Variants in TNRC6C observed in about 807,000 individuals in gnomAD.
The protein encoded by TNRC6C is trinucleotide repeat containing adaptor 6C.
Under a neutral mutation model 153.7 loss-of-function variants are expected in TNRC6C, and 20 were observed. That is an observed-to-expected ratio of 0.13 (90% confidence interval 0.09 to 0.19). The LOEUF (loss-of-function observed/expected upper bound fraction) is 0.19. Ranked by LOEUF, TNRC6C falls within the 10% of genes least tolerant of loss-of-function variation. The pLI is 1.00. For synonymous variants in TNRC6C, 811 were observed against 841.4 expected, an observed-to-expected ratio of 0.96 and a Z score of 0.63; for missense variants, 1,987 against 2,172.0, an observed-to-expected ratio of 0.91 and a Z score of 1.69.
At chr17:78,028,415 A>G (rs1373996678) in intron 1 of TNRC6C, among the ~76,000 whole-genome samples, 1 of 152,176 alleles carries the variant, frequency 6.6e-6, no homozygotes, top group Non-Finnish European at 1.5e-5. Flanking sequence ...AGGACCATGC[A>G]TTCGTAGCAG....
At chr17:77,970,138 T>C (rs192838261) in intron 1 of TNRC6C, among the ~76,000 whole-genome samples, 65 of 152,374 alleles carry the variant, frequency 4.3e-4, no homozygotes, top group African/African-American at 1.4e-3. Context: ...CACAAAAAGT[T>C]TGAAAAGACT....
At chr17:78,086,858 G>A (rs570306461) in exon 13 of TNRC6C, 110 of 1,611,684 alleles carry the variant, frequency 6.8e-5, no homozygotes, top group African/African-American at 3.6e-4. Context: ...GCCAGGTTGC[G>A]CGCACAATCA....
chr17:77,958,932 G>C (rs2070835840), upstream of TNRC6C, among the ~76,000 whole-genome samples: 1 of 146,166 alleles, frequency 6.8e-6, no homozygotes, highest in Non-Finnish European at 1.5e-5. Context: ...CCCGCGCCCA[G>C]CCGTCCGCAG....
intron 1 of TNRC6C, among the ~76,000 whole-genome samples, chr17:77,982,574 G>T (rs2144111080): frequency 6.6e-6 from 1 of 152,330 alleles, no homozygotes; most frequent in Admixed American, 6.5e-5. Flanking sequence ...GCTCATGCCT[G>T]TAGTCCCAGC....
chr17:78,052,909 T>G (rs1025509338), intron 3 of TNRC6C, among the ~76,000 whole-genome samples: 1 of 152,192 alleles, frequency 6.6e-6, no homozygotes, highest in African/African-American at 2.4e-5. Flanking sequence ...AAATGTGCCT[T>G]TTTGGCCCAC....
chr17:77,994,142 G>A (rs1289396785), intron 1 of TNRC6C, among the ~76,000 whole-genome samples: 1 of 152,154 alleles, frequency 6.6e-6, no homozygotes, highest in African/African-American at 2.4e-5. Context: ...GCAGTGCACC[G>A]AGATTGTGCC....
chr17:78,079,288 G>A lies in TNRC6C; in HGVS notation c.3211-107G>A. 6.7e-7 allele frequency: 1 copy of A among 1,502,300 alleles called. No homozygotes were observed. The highest frequency in any genetic ancestry group is 1.3e-5 in the South Asian group (1 of 79,132). 93.1% of individuals were successfully genotyped at this position (1,502,300 alleles called of 1,614,324 possible). A position where few individuals can be genotyped will look rare whatever the true frequency, so the allele number is the denominator to read the frequency against. Reference sequence around the variant, plus strand: ...GGGTACAAGTTGACAGTGGTAGGAAGTAGAAACAATTTTGCATTCACTTGA... The same window carrying A: ...GGGTACAAGTTGACAGTGGTAGGAAATAGAAACAATTTTGCATTCACTTGA... On this transcript the variant is annotated intron_variant, in intron 9 of 19. Coordinates refer to ENST00000301624, the Ensembl canonical transcript of TNRC6C. The surrounding 1 kb of genome is among the most constrained non-coding windows in gnomAD (Gnocchi z 4.3).
chr17:77,988,092 C>T (rs2071197510), intron 1 of TNRC6C, among the ~76,000 whole-genome samples: 1 of 152,072 alleles, frequency 6.6e-6, no homozygotes, highest in African/African-American at 2.4e-5. Flanking sequence ...TGGCTCATGC[C>T]TGTAATTCCA....
At chr17:78,003,998 A>G (rs2071454990), upstream of TNRC6C, 1 of 563,424 alleles carries the variant, frequency 1.8e-6, no homozygotes, top group Non-Finnish European at 2.3e-6. Flanking sequence ...TGAAGAAGTC[A>G]GGGCAACCTG....
chr17:78,016,116 C>T (rs2071723164), intron 1 of TNRC6C, among the ~76,000 whole-genome samples: 1 of 152,298 alleles, frequency 6.6e-6, no homozygotes, highest in South Asian at 2.1e-4. Flanking sequence ...AAAGAGTTCC[C>T]TGAAGAGCTG....
chr17:77,981,953 T>C (rs1483282232), intron 1 of TNRC6C, among the ~76,000 whole-genome samples: 1 of 152,180 alleles, frequency 6.6e-6, no homozygotes, highest in Non-Finnish European at 1.5e-5. Flanking sequence ...TATGTTGAAA[T>C]TCTAACCTCC....
intron 3 of TNRC6C, among the ~76,000 whole-genome samples, chr17:78,057,617 G>C (rs1344132397): frequency 1.3e-5 from 2 of 152,350 alleles, no homozygotes; most frequent in Non-Finnish European, 2.9e-5. Context: ...GGGATTCCCA[G>C]ACAAAAGCCT....
In TNRC6C at chr17:78,086,838, G is replaced by GTC. The variant is rs776102025; in HGVS notation, c.3562-11_3562-10dup. 3.7e-6 allele frequency: 6 copies of GTC among 1,609,994 alleles called. No homozygotes were observed. The highest frequency in any genetic ancestry group is 5.1e-6 in the Non-Finnish European group (6 of 1,178,852). ...CTTCCCACCTAGTTAACGCACCTATGTCTCTGCCTGCCAGGTTGCGCGCAC... is the reference window on the plus strand; with the variant it reads ...CTTCCCACCTAGTTAACGCACCTATGTCTCTCTGCCTGCCAGGTTGCGCGCAC... On this transcript the variant is annotated splice_polypyrimidine_tract_variant and intron_variant, in intron 12 of 19. Transcript: ENST00000301624.
chr17:77,971,748 A>G (rs1183382819), intron 1 of TNRC6C, among the ~76,000 whole-genome samples: 2 of 152,044 alleles, frequency 1.3e-5, no homozygotes, highest in Admixed American at 1.3e-4. Context: ...TGGAGTCCCC[A>G]TTGACTTCTC....
At chr17:78,098,299 C>T in intron 16 of TNRC6C, 44 bp from the exon 20 acceptor site, 1 of 1,524,444 alleles carries the variant, frequency 6.6e-7, no homozygotes. Context: ...GAGTTTTCTT[C>T]TTTGTCTCAA....
At chr17:77,997,085 A>G (rs1311468963) in intron 1 of TNRC6C, among the ~76,000 whole-genome samples, 3 of 152,202 alleles carry the variant, frequency 2.0e-5, no homozygotes, top group Admixed American at 6.5e-5. Flanking sequence ...TGGCTAGACA[A>G]GAAGCACCAT....
At chr17:78,070,955 T>G in intron 5 of TNRC6C, 130 bp from the exon 8 acceptor site, 1 of 856,160 alleles carries the variant, frequency 1.2e-6, no homozygotes, top group Admixed American at 2.4e-5. Flanking sequence ...GAATACAGCA[T>G]TATTCAATGT....
chr17:78,002,508 G>A (rs1009456868), upstream of TNRC6C, among the ~76,000 whole-genome samples: 1 of 152,176 alleles, frequency 6.6e-6, no homozygotes, highest in Non-Finnish European at 1.5e-5. Flanking sequence ...TGTTGTAATA[G>A]CGATAATTTG....
At chr17:78,064,740 A>G in exon 4 of TNRC6C, 1 of 1,613,390 alleles carries the variant, frequency 6.2e-7, no homozygotes, top group East Asian at 2.2e-5. Flanking sequence ...GGCTGGGGAG[A>G]AATGCCTAAT....
Sources: gnomAD v4.1 joint callset for allele counts (sites outside exome capture counted in the v4.1 genomes callset) on GRCh38, gnomAD v4.1.1 for gene constraint, Gnocchi (gnomAD v3.1) non-coding constraint, MANE v1.5 for transcripts, NCBI Gene and HGNC (gene_info 2026-07-23, HGNC 2026-07-21) for gene names.